The following SRPK2 variants were observed in gnomAD, a reference collection of about 807,000 sequenced individuals.
SRPK2 encodes the protein SRSF protein kinase 2, also known as SFRS protein kinase 2.
In SRPK2, 21 loss-of-function variants were observed where a neutral mutation model predicts 90.8. That is an observed-to-expected ratio of 0.23 (90% confidence interval 0.16 to 0.33). The LOEUF (loss-of-function observed/expected upper bound fraction) is 0.33. SRPK2 is among the 10% of genes least tolerant of loss of function. SRPK2 has a pLI of 1.00. For synonymous variants in SRPK2, 288 were observed against 311.1 expected, an observed-to-expected ratio of 0.93 and a Z score of 0.78; for missense variants, 620 against 869.0, an observed-to-expected ratio of 0.71 and a Z score of 3.60.
chr7:105,341,225 G>A (rs1181312683), intron 2 of SRPK2, among the ~76,000 whole-genome samples: 3 of 152,088 alleles, frequency 2.0e-5, no homozygotes, highest in East Asian at 1.9e-4. Context: ...TTAACCAGGC[G>A]TGATGGCGCA....
chr7:105,239,515 C>T (rs895963614), intron 2 of SRPK2, among the ~76,000 whole-genome samples: 3 of 152,160 alleles, frequency 2.0e-5, no homozygotes, highest in African/African-American at 4.8e-5. Flanking sequence ...TTGTTTTCTC[C>T]TCCTGTAAGT....
At chr7:105,373,980 T>A (rs1013182107) in intron 2 of SRPK2, among the ~76,000 whole-genome samples, 1 of 152,182 alleles carries the variant, frequency 6.6e-6, no homozygotes, top group African/African-American at 2.4e-5. Flanking sequence ...CACGCTGGAG[T>A]GCAGTGGCAT....
At chr7:105,134,740 C>T (rs1278367604) in intron 11 of SRPK2, among the ~76,000 whole-genome samples, 2 of 152,196 alleles carry the variant, frequency 1.3e-5, no homozygotes, top group Non-Finnish European at 2.9e-5. Flanking sequence ...ACCTAGGGTG[C>T]CCACACAGCT....
intron 3 of SRPK2, among the ~76,000 whole-genome samples, chr7:105,198,315 C>A (rs964647250): frequency 6.6e-5 from 10 of 150,878 alleles, no homozygotes; most frequent in African/African-American, 2.4e-4. Context: ...AATCTTCCCA[C>A]AAAAGGAGGT....
chr7:105,345,375 C>A (rs1443477268), intron 2 of SRPK2, among the ~76,000 whole-genome samples: 1 of 152,150 alleles, frequency 6.6e-6, no homozygotes, highest in Admixed American at 6.6e-5. Context: ...GTCTCAACTT[C>A]TCTCCCGTAG....
chr7:105,132,663 A>C, intron 13 of SRPK2, 128 bp downstream of exon 13: 1 of 707,248 alleles, frequency 1.4e-6, no homozygotes. Context: ...CCCCTCACCC[A>C]GCCCACGGTG....
intron 2 of SRPK2, among the ~76,000 whole-genome samples, chr7:105,354,632 C>T (rs758306767): frequency 6.6e-6 from 1 of 152,154 alleles, no homozygotes; most frequent in African/African-American, 2.4e-5. Context: ...GCAGCACAGC[C>T]CATACTCCTC....
At chr7:105,236,518 G>A (rs1800163298) in intron 2 of SRPK2, among the ~76,000 whole-genome samples, 1 of 152,050 alleles carries the variant, frequency 6.6e-6, no homozygotes, top group South Asian at 2.1e-4. Flanking sequence ...ATGGCACTGT[G>A]AAGGGGGAAA....
At chr7:105,150,041 G>T (rs924502539) in intron 7 of SRPK2, among the ~76,000 whole-genome samples, 6 of 151,506 alleles carry the variant, frequency 4.0e-5, no homozygotes, top group African/African-American at 1.5e-4. Context: ...GACGGGTGGG[G>T]TAATTGGCCA....
intron 4 of SRPK2, among the ~76,000 whole-genome samples, chr7:105,168,643 A>C (rs760735404): frequency 6.6e-5 from 10 of 151,934 alleles, no homozygotes; most frequent in Non-Finnish European, 1.2e-4. Flanking sequence ...AAGACTAGAT[A>C]AACATCAGAG....
chr7:105,244,592 C>T lies in SRPK2; in HGVS notation c.72-40807G>A, dbSNP rs548855822. 4.7e-6 allele frequency: 3 copies of T among 635,258 alleles called. No homozygotes were observed. In the South Asian group the frequency reaches 4.9e-5, roughly 10 times the overall value. 39.4% of individuals were successfully genotyped at this position (635,258 alleles called of 1,614,324 possible). A position where few individuals can be genotyped will look rare whatever the true frequency, so the allele number is the denominator to read the frequency against. Reference sequence around the variant, plus strand: ...CCGTCTCAACAACAATAAAAAAATCCCAGAGTTCCACGCGGCGCCAGCCCC... The same window carrying T: ...CCGTCTCAACAACAATAAAAAAATCTCAGAGTTCCACGCGGCGCCAGCCCC... On this transcript the variant is annotated intron_variant, in intron 2 of 15. Transcript: ENST00000393651.
chr7:105,159,448 C>CA (rs765544583), intron 7 of SRPK2, among the ~76,000 whole-genome samples: 2,134 of 32,600 alleles, frequency 0.065, 148 homozygotes, highest in East Asian at 0.11. Context: ...ACTCCGTCTC[C>CA]AAAAAAAAAA....
At chr7:105,250,267 G>A (rs999619980) in intron 2 of SRPK2, among the ~76,000 whole-genome samples, 3 of 152,196 alleles carry the variant, frequency 2.0e-5, no homozygotes, top group South Asian at 2.1e-4. Context: ...CCCAGGAGGC[G>A]GAGGGGAGGT....
At chr7:105,141,238 A>G (rs1054790272) in intron 11 of SRPK2, among the ~76,000 whole-genome samples, 2 of 152,210 alleles carry the variant, frequency 1.3e-5, no homozygotes, top group Admixed American at 6.5e-5. Flanking sequence ...GGGCTGCAGA[A>G]TGTCGGGCTG....
chr7:105,360,089 T>C (rs1026551496), intron 2 of SRPK2, among the ~76,000 whole-genome samples: 1 of 152,220 alleles, frequency 6.6e-6, no homozygotes, highest in African/African-American at 2.4e-5. Flanking sequence ...AGATTTAGGA[T>C]AGTTAGCTCT....
chr7:105,175,484 CCAAAG>C (rs1290799242), intron 3 of SRPK2, among the ~76,000 whole-genome samples: 3 of 151,646 alleles, frequency 2.0e-5, no homozygotes, highest in Admixed American at 1.3e-4. Flanking sequence ...CAAACTTAAC[CCAAAG>C]CAAACGGAAG....
intron 2 of SRPK2, among the ~76,000 whole-genome samples, chr7:105,357,279 TC>T (rs928525169): frequency 2.6e-5 from 4 of 152,116 alleles, no homozygotes; most frequent in Non-Finnish European, 1.5e-5. Flanking sequence ...GACCTTGTGA[TC>T]CGCCTGCCTC....
intron 2 of SRPK2, among the ~76,000 whole-genome samples, chr7:105,348,425 CTTT>C (rs1198801071): frequency 4.3e-5 from 5 of 117,572 alleles, no homozygotes; most frequent in Non-Finnish European, 1.8e-5. Flanking sequence ...TTTTTTCTTT[CTTT>C]TTTTTTTTTT....
At chr7:105,183,073 C>T (rs1299950079) in intron 3 of SRPK2, among the ~76,000 whole-genome samples, 1 of 152,126 alleles carries the variant, frequency 6.6e-6, no homozygotes, top group Non-Finnish European at 1.5e-5. Flanking sequence ...AGTTAAAGTT[C>T]ACTAAAAGCT....
Sources: allele counts gnomAD v4.1 joint callset (sites outside exome capture counted in the v4.1 genomes callset), GRCh38; gene constraint gnomAD v4.1.1; transcripts MANE v1.5; gene names NCBI Gene and HGNC (gene_info 2026-07-23, HGNC 2026-07-21).